ZNF778: variants seen among roughly 807,000 people sequenced by gnomAD.
ZNF778 encodes the protein zinc finger protein 778.
Under a neutral mutation model 23.9 loss-of-function variants are expected in ZNF778, and 37 were observed. The ratio of observed to expected loss-of-function variants is 1.54; its 90% confidence interval spans 1.19 to 2.03. The LOEUF is 2.03. Among genes scored for constraint, ZNF778 ranks in the 30% most tolerant of loss-of-function variants. The pLI is 0.00. For synonymous variants in ZNF778, 483 were observed against 343.9 expected (o/e 1.40, Z -4.48); for missense variants, 1,297 against 934.4 (o/e 1.39, Z -5.06).
Position 89,233,793 on chromosome 16 carries a change from C to A in ZNF778, c.*5231C>A, listed in dbSNP as rs1187933673. On this transcript the variant is annotated 3_prime_UTR_variant, in exon 7 of 7. Transcript: ENST00000433976. ...AACTCAACTCGCACTGCGTATGCAACTCAGCTCGCACTGCGTATGCAACTC... is the reference window on the plus strand; with the variant it reads ...AACTCAACTCGCACTGCGTATGCAAATCAGCTCGCACTGCGTATGCAACTC... 1.6e-5 allele frequency: 20 copies of A among 1,268,316 alleles called. No homozygotes were observed. Among genetic ancestry groups the A allele is most frequent in the Admixed American group, 9.4e-5 (4 of 42,688 alleles). The allele number at this position is 1,268,316 out of a possible 1,614,324, so 78.6% of individuals were successfully genotyped here.
chr16:89,228,300 A>G lies in ZNF778; in HGVS notation c.2012A>G (p.Lys671Arg). ...CACAGAAGGACTCACACAGGAGAGA[A>G]ACCTTACATATGTAACGAGTGTGGG... ...IEHRRTHTGE[K>R]PYICNECGKA... Residue 671 changes from lysine (K) to arginine (R), a missense_variant, in exon 7 of 7, where the codon AAA becomes AGA. By Grantham distance (26) the Lys-to-Arg change is conservative. Coordinates refer to ENST00000433976, the MANE Select transcript of ZNF778 (RefSeq NM_001201407.2). 1 of 1,606,046 alleles carries G rather than the reference A, an allele frequency of 6.2e-7. No homozygotes were observed.
Position 89,227,132 on chromosome 16 carries a change from G to A in ZNF778, c.844G>A (p.Val282Ile), listed in dbSNP as rs533457711. 1.9e-5 allele frequency: 31 copies of A among 1,614,038 alleles called. No homozygotes were observed. Among genetic ancestry groups the A allele is most frequent in the Middle Eastern group, 3.3e-4 (2 of 6,062 alleles). ...AATGCATGCCGTCAGGAATCCCCAC[G>A]TATGTAGGGAATGTGGGAAGGCCTT... ...VEMHAVRNPHVCRECGKAFRY... is the reference protein window; with the variant it reads ...VEMHAVRNPHICRECGKAFRY... Residue 282 changes from valine (V) to isoleucine (I), a missense_variant, in exon 7 of 7, where the codon GTA (valine) becomes ATA (isoleucine). Transcript: ENST00000433976.
chr16:89,232,666 C>A lies in ZNF778; in HGVS notation c.*4104C>A. The A allele has an allele frequency of 8.2e-7, 1 of 1,212,926 alleles. No individual in the cohort carries two copies. The allele number at this position is 1,212,926 out of a possible 1,614,324, so 75.1% of individuals were successfully genotyped here. ...TGTTTTTTTTTTTTTTGTTAGGGTACATTTTCATCCTGGGGTCTTGCTGTG... is the reference window on the plus strand; with the variant it reads ...TGTTTTTTTTTTTTTTGTTAGGGTAAATTTTCATCCTGGGGTCTTGCTGTG... On this transcript the variant is annotated 3_prime_UTR_variant, in exon 7 of 7. Transcript: ENST00000433976.
At position 89,230,065 on chromosome 16, in the gene ZNF778, C is replaced by T. The variant is rs186902387; in HGVS notation, c.*1503C>T. 39 of 972,684 alleles carry T rather than the reference C, an allele frequency of 4.0e-5. No individual in the cohort carries two copies. The highest frequency in any genetic ancestry group is 6.1e-5 in the Admixed American group (1 of 16,282). The allele number at this position is 972,684 out of a possible 1,614,324, so 60.3% of individuals were successfully genotyped here. A position where few individuals can be genotyped will look rare whatever the true frequency, so the allele number is the denominator to read the frequency against. ...GGATCCTGTATGAGCAGCGTAGGCT[C>T]TGGTTGGTTAGTCATGCTCTTAGGC... On this transcript the variant is annotated 3_prime_UTR_variant, in exon 7 of 7. Coordinates refer to ENST00000433976, the MANE Select transcript of ZNF778 (RefSeq NM_001201407.2).
chr16:89,232,638 T>C lies in ZNF778; in HGVS notation c.*4076T>C. The C allele has an allele frequency of 2.9e-6, 3 of 1,051,776 alleles. No individual in the cohort carries two copies. Among genetic ancestry groups the C allele is most frequent in the South Asian group, 1.6e-5 (1 of 60,922 alleles). The allele number at this position is 1,051,776 out of a possible 1,614,324, so 65.2% of individuals were successfully genotyped here. On this transcript the variant is annotated 3_prime_UTR_variant, in exon 7 of 7. Coordinates refer to ENST00000433976, the MANE Select transcript of ZNF778 (RefSeq NM_001201407.2). ...AATATTAAAGGACCAATTGTATTAA[T>C]TATGTTTTTTTTTTTTTTGTTAGGG...
At chr16:89,220,102 GAAT>G (rs1462060085) in intron 1 of ZNF778, among the ~76,000 whole-genome samples, 2 of 152,218 alleles carry the variant, frequency 1.3e-5, no homozygotes, top group Admixed American at 6.5e-5. Flanking sequence ...GTGGAGAACT[GAAT>G]ATTACATCCC....
chr16:89,222,933 G>A (rs1305100599), intron 3 of ZNF778, among the ~76,000 whole-genome samples: 2 of 147,656 alleles, frequency 1.4e-5, no homozygotes, highest in African/African-American at 4.9e-5. Context: ...CTGGAGGAGC[G>A]CGACAGGGCA....
Position 89,232,424 on chromosome 16 carries a change from C to G in ZNF778, c.*3862C>G, listed in dbSNP as rs151029181. ...CCACAGCCTCAGATATGTAGCAACA[C>G]AGACAGACTAAGACACCAAGCATGA... On this transcript the variant is annotated 3_prime_UTR_variant, in exon 7 of 7. Transcript: ENST00000433976. 3.0e-6 allele frequency: 1 copy of G among 333,680 alleles called. No homozygotes were observed. The allele number at this position is 333,680 out of a possible 1,614,324, so 20.7% of individuals were successfully genotyped here. A position where few individuals can be genotyped will look rare whatever the true frequency, so the allele number is the denominator to read the frequency against.
In ZNF778 at chr16:89,232,641, T is replaced by TG; in HGVS notation, c.*4080dup. The TG allele has an allele frequency of 9.5e-7, 1 of 1,049,756 alleles. No homozygotes were observed. Among genetic ancestry groups the TG allele is most frequent in the Non-Finnish European group, 1.1e-6 (1 of 878,690 alleles). The allele number at this position is 1,049,756 out of a possible 1,614,324, so 65.0% of individuals were successfully genotyped here. A position where few individuals can be genotyped will look rare whatever the true frequency, so the allele number is the denominator to read the frequency against. On this transcript the variant is annotated 3_prime_UTR_variant, in exon 7 of 7. Coordinates refer to ENST00000433976, the MANE Select transcript of ZNF778 (RefSeq NM_001201407.2). ...ATTAAAGGACCAATTGTATTAATTA[T>TG]GTTTTTTTTTTTTTTGTTAGGGTAC... is the stretch of plus-strand genomic sequence containing the variant.
Position 89,234,657 on chromosome 16 carries a change from C to G in ZNF778, c.*6095C>G, listed in dbSNP as rs1486578734. On this transcript the variant is annotated 3_prime_UTR_variant, in exon 7 of 7. Coordinates refer to ENST00000433976, the MANE Select transcript of ZNF778 (RefSeq NM_001201407.2). ...ATTGTGCCAGGTGTGGTGGCTCAGG[C>G]CTGTAATCCCAACACTTTGGGAGGC... 1.3e-5 allele frequency: 2 copies of G among 156,612 alleles called. No homozygotes were observed. Among genetic ancestry groups the G allele is most frequent in the Non-Finnish European group, 2.8e-5 (2 of 70,824 alleles). 9.7% of individuals were successfully genotyped at this position (156,612 alleles called of 1,614,324 possible). A position where few individuals can be genotyped will look rare whatever the true frequency, so the allele number is the denominator to read the frequency against.
Position 89,224,388 on chromosome 16 carries a change from G to C in ZNF778, c.245-331G>C, listed in dbSNP as rs2031273800. On this transcript the variant is annotated intron_variant, in intron 4 of 6. Coordinates refer to ENST00000433976, the MANE Select transcript of ZNF778 (RefSeq NM_001201407.2). ...AATCCTAGCACTTTTGAGAGGCCGG[G>C]GTGGGCGGATCACAAGGTCAGGAGA... is the stretch of plus-strand genomic sequence containing the variant. Among the ~76,000 whole-genome samples the C allele has an allele frequency of 2.0e-5, 3 of 152,196 alleles. No homozygotes were observed. The South Asian group carries it at 6.2e-4, about 31-fold the overall frequency.
chr16:89,229,190 T>G lies in ZNF778; in HGVS notation c.*628T>G. On this transcript the variant is annotated 3_prime_UTR_variant, in exon 7 of 7. Transcript: ENST00000433976. ...TAACAGTAGGCCTTGAGGACTCAGA[T>G]GTGATCCTGTGTGAGCAGTGTAGGC... is the stretch of plus-strand genomic sequence containing the variant. 1.0e-6 allele frequency: 1 copy of G among 985,870 alleles called. No individual in the cohort carries two copies. The highest frequency in any genetic ancestry group is 1.2e-6 in the Non-Finnish European group (1 of 830,244). 61.1% of individuals were successfully genotyped at this position (985,870 alleles called of 1,614,324 possible). A position where few individuals can be genotyped will look rare whatever the true frequency, so the allele number is the denominator to read the frequency against.
chr16:89,223,924 A>G (rs9936926), intron 4 of ZNF778, among the ~76,000 whole-genome samples: 120,744 of 150,662 alleles, frequency 0.8, 50,735 homozygotes, highest in Non-Finnish European at 0.92. Flanking sequence ...TCATGCCTGT[A>G]ATCCGAGCAC....
At chr16:89,220,501 CA>C (rs1221446267) in intron 1 of ZNF778, among the ~76,000 whole-genome samples, 2 of 152,046 alleles carry the variant, frequency 1.3e-5, no homozygotes, top group Non-Finnish European at 2.9e-5. Context: ...ACTAAAAATA[CA>C]AAAAAATTAG....
At chr16:89,220,186 A>G (rs1470154548) in intron 1 of ZNF778, among the ~76,000 whole-genome samples, 1 of 152,212 alleles carries the variant, frequency 6.6e-6, no homozygotes, top group African/African-American at 2.4e-5. Flanking sequence ...TTTTAGCCCA[A>G]AGACCTCGCC....
chr16:89,228,540 A>G lies in ZNF778; in HGVS notation c.2252A>G (p.His751Arg), dbSNP rs143973850. Residue 751 changes from histidine to arginine, a missense_variant, in exon 7 of 7, where the codon CAC becomes CGC. By Grantham distance (29) the His-to-Arg change is conservative. Transcript: ENST00000433976. ...SSCLNHHTQIHTDEKPF is the reference protein window; with the variant it reads ...SSCLNHHTQIRTDEKPF ...TGCCTTAACCATCACACTCAAATTC[A>G]CACTGATGAGAAACCTTTCTAATGT... 331 of 1,590,514 alleles carry G rather than the reference A, an allele frequency of 2.1e-4. 2 individuals are homozygous for G. The African/African-American group carries it at 4.1e-3, about 20-fold the overall frequency.
intron 5 of ZNF778, 57 bp from the exon 6 acceptor site, chr16:89,225,498 A>G: frequency 7.2e-7 from 1 of 1,394,222 alleles, no homozygotes; most frequent in Non-Finnish European, 1.0e-6. Context: ...CATGTCTTAT[A>G]TGAAAACAAA....
intron 3 of ZNF778, 59 bp downstream of exon 3, chr16:89,222,242 G>A: frequency 7.2e-7 from 1 of 1,379,888 alleles, no homozygotes; most frequent in Non-Finnish European, 1.0e-6. Context: ...AGATAGACAA[G>A]TTTCTGTCTG....
chr16:89,228,453 C>T lies in ZNF778; in HGVS notation c.2165C>T (p.Thr722Ile), dbSNP rs752688058. Reference sequence around the variant, plus strand: ...TATCTACTAAAAGAACATTTAAAAACTTACACTGAAGAGCAGGTTTTTGTA... The same window carrying T: ...TATCTACTAAAAGAACATTTAAAAATTTACACTGAAGAGCAGGTTTTTGTA... ...RFYLLKEHLK[T>I]YTEEQVFVCK... The change falls in exon 7 of 7, where the codon ACT (threonine) becomes ATT (isoleucine). Residue 722 changes from threonine (T) to isoleucine (I), a missense_variant. Coordinates refer to ENST00000433976, the MANE Select transcript of ZNF778 (RefSeq NM_001201407.2). 1.2e-6 allele frequency: 2 copies of T among 1,613,870 alleles called. No homozygotes were observed. Among genetic ancestry groups the T allele is most frequent in the South Asian group, 1.1e-5 (1 of 91,042 alleles).
Sources: gnomAD v4.1 joint callset for allele counts (sites outside exome capture counted in the v4.1 genomes callset) on GRCh38, gnomAD v4.1.1 for gene constraint, MANE v1.5 for transcripts, NCBI Gene and HGNC (gene_info 2026-07-23, HGNC 2026-07-21) for gene names.